The following C21orf91 variants were observed in gnomAD, a reference collection of about 807,000 sequenced individuals.
C21orf91 encodes chromosome 21 open reading frame 91, also known as protein EURL homolog.
C21orf91 carries 26 observed loss-of-function variants against 32.9 expected under a neutral mutation model. The observed-to-expected ratio is 0.79, with a 90% CI of 0.58 to 1.10. C21orf91 has a LOEUF of 1.10. Among genes scored for constraint, C21orf91 ranks in the 50% least tolerant of loss-of-function variants. The pLI is 0.00. For synonymous variants in C21orf91, 126 were observed against 120.4 expected, an observed-to-expected ratio of 1.05 and a Z score of -0.31; for missense variants, 310 against 341.3, an observed-to-expected ratio of 0.91 and a Z score of 0.72.
chr21:17,810,473 T>G (rs1052267445), intron 2 of C21orf91: 2 of 152,260 alleles, frequency 1.3e-5, no homozygotes, highest in African/African-American at 4.8e-5. Flanking sequence ...TCAACATTAA[T>G]GAACACTTTC....
At position 17,801,274 on chromosome 21, in the gene C21orf91, G is replaced by GTTCTTTTTTTTTTTT. The variant is rs1278315799; in HGVS notation, c.128-4157_128-4156insAAAAAAAAAAAAGAA. On this transcript the variant is annotated intron_variant, in intron 2 of 4. Transcript: ENST00000284881. ...AGGAACAGAAAACCAAACACCGTAT[G>GTTCTTTTTTTTTTTT]TTTTTTTTTTTTTTTAGACGGAGTC... 2.0e-3 allele frequency among the ~76,000 whole-genome samples: 274 copies of GTTCTTTTTTTTTTTT among 140,384 alleles called. 5 individuals are homozygous for GTTCTTTTTTTTTTTT. The East Asian group carries it at 0.055, about 28-fold the overall frequency. 92.1% of individuals were successfully genotyped at this position (140,384 alleles called of 152,430 possible).
At chr21:17,818,583 G>A (rs1253651460) in intron 1 of C21orf91, among the ~76,000 whole-genome samples, 1 of 152,202 alleles carries the variant, frequency 6.6e-6, no homozygotes, top group East Asian at 1.9e-4. Flanking sequence ...GATTGGGTTA[G>A]TGGCACCTGA....
intron 2 of C21orf91, 65 bp from the exon 3 acceptor site, chr21:17,797,183 C>T: frequency 9.7e-7 from 1 of 1,027,130 alleles, no homozygotes; most frequent in South Asian, 1.6e-5. Flanking sequence ...ACTTTAAGAA[C>T]ATACAAATCT....
rs2062449410 is a variant in C21orf91, at chr21:17,788,981, ATACT to A, written c.*4430_*4433del. 6.6e-6 allele frequency: 1 copy of A among 152,174 alleles called. No homozygotes were observed. The highest frequency in any genetic ancestry group is 2.4e-5 in the African/African-American group (1 of 41,454). The allele number at this position is 152,174 out of a possible 1,614,324, so 9.4% of individuals were successfully genotyped here. ...TCCACTCAAGCTAGCAGATAACAAA[ATACT>A]TATTTTATTGTTGTAAAATTAAAAA... On this transcript the variant is annotated 3_prime_UTR_variant, in exon 5 of 5. Coordinates refer to ENST00000284881, the MANE Select transcript of C21orf91 (RefSeq NM_001100420.2).
chr21:17,801,045 A>C (rs545332321), intron 2 of C21orf91, among the ~76,000 whole-genome samples: 4 of 152,316 alleles, frequency 2.6e-5, no homozygotes, highest in African/African-American at 9.6e-5. Flanking sequence ...CAATCTCATT[A>C]CTGGGTATAT....
At position 17,793,249 on chromosome 21, in the gene C21orf91, G is replaced by C; in HGVS notation, c.*166C>G. The stretch of plus-strand genomic sequence containing the variant: ...CAAAATGATTAGCCCTAGAAGACTA[G>C]AGTATAATGATCTGCTTTATTTGAC... On this transcript the variant is annotated 3_prime_UTR_variant, in exon 5 of 5. Transcript: ENST00000284881. 4.3e-6 allele frequency: 2 copies of C among 461,302 alleles called. No individual in the cohort carries two copies. The highest frequency in any genetic ancestry group is 3.2e-5 in the East Asian group (1 of 31,178). 28.6% of individuals were successfully genotyped at this position (461,302 alleles called of 1,614,324 possible).
Position 17,790,800 on chromosome 21 carries a change from A to C in C21orf91, c.*2615T>G, listed in dbSNP as rs2062467490. The stretch of plus-strand genomic sequence containing the variant: ...TATAAGGCTGAACTTTAAAGAGAAC[A>C]ACCTGTGTGGTCAAAAACACTTTTC... On this transcript the variant is annotated 3_prime_UTR_variant, in exon 5 of 5. Transcript: ENST00000284881. The C allele has an allele frequency of 6.6e-6, 1 of 152,156 alleles. No homozygotes were observed. Among genetic ancestry groups the C allele is most frequent in the Admixed American group, 6.5e-5 (1 of 15,282 alleles). 9.4% of individuals were successfully genotyped at this position (152,156 alleles called of 1,614,324 possible).
At chr21:17,817,428 A>G (rs2062671126) in intron 2 of C21orf91, among the ~76,000 whole-genome samples, 1 of 152,154 alleles carries the variant, frequency 6.6e-6, no homozygotes, top group African/African-American at 2.4e-5. Flanking sequence ...GAGGTTTAAT[A>G]AAGTCTCTCT....
intron 2 of C21orf91, among the ~76,000 whole-genome samples, chr21:17,809,468 T>C (rs1375415218): frequency 1.3e-5 from 2 of 152,174 alleles, no homozygotes; most frequent in African/African-American, 4.8e-5. Context: ...ATGTATGGGC[T>C]CTAATTTTCA....
intron 2 of C21orf91, among the ~76,000 whole-genome samples, chr21:17,811,699 A>C (rs2062633406): frequency 6.6e-6 from 1 of 152,154 alleles, no homozygotes; most frequent in South Asian, 2.1e-4. Flanking sequence ...CATATAGCTG[A>C]TAAAACATTT....
At chr21:17,809,286 C>T (rs2062617643) in intron 2 of C21orf91, among the ~76,000 whole-genome samples, 1 of 152,112 alleles carries the variant, frequency 6.6e-6, no homozygotes. Context: ...GAAATGTTCT[C>T]AAAGTAAACA....
At chr21:17,798,791 C>T (rs1224431499) in intron 2 of C21orf91, among the ~76,000 whole-genome samples, 1 of 152,102 alleles carries the variant, frequency 6.6e-6, no homozygotes, top group African/African-American at 2.4e-5. Context: ...TTTATTATTA[C>T]GCATTTTAGA....
At chr21:17,818,989 G>A (rs2062686758) in intron 1 of C21orf91, 1 of 152,262 alleles carries the variant, frequency 6.6e-6, no homozygotes, top group Non-Finnish European at 1.5e-5. Flanking sequence ...GGAGCCCGGC[G>A]GGCGGGAGAG....
At chr21:17,805,584 G>A (rs2062588890) in intron 2 of C21orf91, among the ~76,000 whole-genome samples, 1 of 152,182 alleles carries the variant, frequency 6.6e-6, no homozygotes, top group Non-Finnish European at 1.5e-5. Context: ...AAAGTGCTGG[G>A]ATTACAGGCG....
intron 2 of C21orf91, among the ~76,000 whole-genome samples, chr21:17,813,425 G>A (rs1035615240): frequency 2.6e-5 from 4 of 152,142 alleles, no homozygotes. Flanking sequence ...ATTCATCTAC[G>A]ACTTAACCAA....
Position 17,789,447 on chromosome 21 carries a change from A to G in C21orf91, c.*3968T>C, listed in dbSNP as rs965161927. 5.9e-5 allele frequency: 9 copies of G among 152,186 alleles called. No homozygotes were observed. The allele number at this position is 152,186 out of a possible 1,614,324, so 9.4% of individuals were successfully genotyped here. On this transcript the variant is annotated 3_prime_UTR_variant, in exon 5 of 5. Coordinates refer to ENST00000284881, the MANE Select transcript of C21orf91 (RefSeq NM_001100420.2). ...AGGTGTAGTTGAGGGAAGTTCAACT[A>G]ATCTTTAAACCTTTTTTGGGAGAGG...
rs2062476734 is a variant in C21orf91 at position 17,791,846 on chromosome 21, C to T, written c.*1569G>A. On this transcript the variant is annotated 3_prime_UTR_variant, in exon 5 of 5. Transcript: ENST00000284881. Reference sequence around the variant, plus strand: ...ATTCCCTCCAAAAAGTAATGTTATACTTCAAAGAAAAACAAAATCAACAGA... The same window carrying T: ...ATTCCCTCCAAAAAGTAATGTTATATTTCAAAGAAAAACAAAATCAACAGA... 3.3e-5 allele frequency: 5 copies of T among 152,106 alleles called. No individual in the cohort carries two copies. In the South Asian group the frequency reaches 1.0e-3, roughly 31 times the overall value. The allele number at this position is 152,106 out of a possible 1,614,324, so 9.4% of individuals were successfully genotyped here. A position where few individuals can be genotyped will look rare whatever the true frequency, so the allele number is the denominator to read the frequency against.
chr21:17,807,829 C>A (rs888346853), intron 2 of C21orf91, among the ~76,000 whole-genome samples: 1 of 152,144 alleles, frequency 6.6e-6, no homozygotes, highest in Non-Finnish European at 1.5e-5. Flanking sequence ...AATTTCTAAG[C>A]AGTAAAGTGT....
chr21:17,805,181 T>C (rs1047468104), intron 2 of C21orf91, among the ~76,000 whole-genome samples: 1 of 152,226 alleles, frequency 6.6e-6, no homozygotes, highest in Non-Finnish European at 1.5e-5. Flanking sequence ...TTAATTTTAA[T>C]TTAAATGAAT....
Sources: allele counts gnomAD v4.1 joint callset (sites outside exome capture counted in the v4.1 genomes callset), GRCh38; gene constraint gnomAD v4.1.1; transcripts MANE v1.5; gene names NCBI Gene and HGNC (gene_info 2026-07-23, HGNC 2026-07-21).